AGXT: variants seen among roughly 807,000 people sequenced by gnomAD.
AGXT encodes alanine--glyoxylate aminotransferase.
In AGXT, 41 loss-of-function variants were observed where a neutral mutation model predicts 46.9. The ratio of observed to expected loss-of-function variants is 0.88; its 90% CI spans 0.68 to 1.14. The LOEUF is 1.14. AGXT is among the 50% of genes most tolerant of loss of function. The probability of loss-of-function intolerance (pLI) is 0.00; values close to 1 mark genes in which losing one functional copy is unlikely to be tolerated. For synonymous variants in AGXT, 244 were observed against 227.9 expected (o/e 1.07, Z -0.64); for missense variants, 525 against 522.7 (o/e 1.00, Z -0.04).
chr2:240,873,362 T>G lies in AGXT; in HGVS notation c.595+313T>G, dbSNP rs2059002050. ...GGAAGAGGAAGGGCCAGGGCTCCAG[T>G]CAATCAGGCGTTGGGCACCCCTCTG... On this transcript the variant is annotated intron_variant, in intron 5 of 10. Coordinates refer to ENST00000307503, the MANE Select transcript of AGXT (RefSeq NM_000030.3). 3 of 390,276 alleles carry G rather than the reference T, an allele frequency of 7.7e-6. No homozygotes were observed. In the Admixed American group the frequency reaches 1.1e-4, roughly 15 times the overall value. The allele number at this position is 390,276 out of a possible 1,614,324, so 24.2% of individuals were successfully genotyped here. A position where few individuals can be genotyped will look rare whatever the true frequency, so the allele number is the denominator to read the frequency against.
chr2:240,870,688 A>T lies in AGXT; in HGVS notation c.403A>T (p.Thr135Ser), dbSNP rs1180679343. The T allele has an allele frequency of 6.4e-7, 1 of 1,555,858 alleles. No homozygotes were observed. Among genetic ancestry groups the T allele is most frequent in the Admixed American group, 1.9e-5 (1 of 51,598 alleles). ...GACCAAGGACCCTGGAGGCCACTAC[A>T]CACTGCAGGAGGTGGAGGAGGTAGG... The part of the protein sequence containing the change: ...PMTKDPGGHY[T>S]LQEVEEGLAQ... Residue 135 changes from threonine (T) to serine (S), a missense_variant, in exon 3 of 11, where the codon ACA (threonine) becomes TCA (serine). Transcript: ENST00000307503.
rs936430329 is a variant in AGXT, at chr2:240,873,923, A to G, written c.596-55A>G. ...ATTAGCTAGGCAGGCATCCCGCTGGACTGGCCTGCCCTGAGGTGGGACTCA... is the reference window on the plus strand; with the variant it reads ...ATTAGCTAGGCAGGCATCCCGCTGGGCTGGCCTGCCCTGAGGTGGGACTCA... On this transcript the variant is annotated intron_variant, in intron 5 of 10. Transcript: ENST00000307503. 4.0e-6 allele frequency: 6 copies of G among 1,516,384 alleles called. No individual in the cohort carries two copies. The African/African-American group carries it at 8.2e-5, about 21-fold the overall frequency. The allele number at this position is 1,516,384 out of a possible 1,614,324, so 93.9% of individuals were successfully genotyped here.
chr2:240,877,974 C>A, intron 9 of AGXT, 48 bp from the exon 10 acceptor site: 2 of 1,603,102 alleles, frequency 1.2e-6, no homozygotes, highest in South Asian at 1.1e-5. Flanking sequence ...GTCACAAAGG[C>A]CCGTACAGGG....
chr2:240,879,968 G>C lies in AGXT; in HGVS notation c.*1147G>C. The C allele has an allele frequency of 6.6e-6, 1 of 152,164 alleles. No individual in the cohort carries two copies. Among genetic ancestry groups the C allele is most frequent in the East Asian group, 1.9e-4 (1 of 5,186 alleles). The allele number at this position is 152,164 out of a possible 1,614,324, so 9.4% of individuals were successfully genotyped here. On this transcript the variant is annotated 3_prime_UTR_variant, in exon 11 of 11. Coordinates refer to ENST00000307503, the MANE Select transcript of AGXT (RefSeq NM_000030.3). Reference sequence around the variant, plus strand: ...CATATGGACGTGCGTCGTGGGCGCCGGTGTGTCTTGTTGCTGAGTGCCGTC... The same window carrying C: ...CATATGGACGTGCGTCGTGGGCGCCCGTGTGTCTTGTTGCTGAGTGCCGTC...
At chr2:240,875,666 G>A (rs1004602401) in intron 7 of AGXT, among the ~76,000 whole-genome samples, 4 of 152,260 alleles carry the variant, frequency 2.6e-5, no homozygotes, top group Non-Finnish European at 5.9e-5. Context: ...CTGGGACTGA[G>A]GGGCTCCGCA....
rs747043550 is a variant in AGXT at position 240,869,362 on chromosome 2, G to A, written c.358G>A (p.Gly120Arg). Residue 120 changes from glycine to arginine, a missense_variant and splice_region_variant, in exon 2 of 11, where the codon GGA becomes AGA. Gly to Arg is a moderately radical substitution (Grantham distance 125). Coordinates refer to ENST00000307503, the MANE Select transcript of AGXT (RefSeq NM_000030.3). ...QRAVDIGERI[G>R]ARVHPMTKDP... is the part of the protein sequence containing the mutation. ...AGCCGTGGACATCGGGGAGCGCATA[G>A]GTAAGGGAGAGGCCCAGGTGGGGAT... 3.2e-6 allele frequency: 5 copies of A among 1,581,420 alleles called. No individual in the cohort carries two copies. The highest frequency in any genetic ancestry group is 2.7e-5 in the African/African-American group (2 of 74,564).
Position 240,877,617 on chromosome 2 carries a change from C to T in AGXT, c.927C>T (p.Leu309=). ...HGRLQALGLQ[L]FVKDPALRLP... is the part of the protein sequence containing the mutation. ...GCCTGCAGGCACTGGGGCTGCAGCT[C>T]TTCGTGAAGGACCCGGTAAGGAGGC... The change falls in exon 9 of 11, where the codon CTC becomes CTT. Residue 309 remains leucine, a synonymous_variant. Coordinates refer to ENST00000307503, the MANE Select transcript of AGXT (RefSeq NM_000030.3). 2 of 1,550,938 alleles carry T rather than the reference C, an allele frequency of 1.3e-6. No homozygotes were observed. Among genetic ancestry groups the T allele is most frequent in the Non-Finnish European group, 1.7e-6 (2 of 1,147,014 alleles).
rs2059005601 is a variant in AGXT at position 240,873,963 on chromosome 2, A to T, written c.596-15A>T. On this transcript the variant is annotated splice_polypyrimidine_tract_variant and intron_variant, in intron 5 of 10. Transcript: ENST00000307503. ...GGTGGGACTCACCCGTCCCGAGCAA[A>T]CCACCCATCTACAGGCATCGACATC... 2 of 1,613,142 alleles carry T rather than the reference A, an allele frequency of 1.2e-6. No homozygotes were observed. Among genetic ancestry groups the T allele is most frequent in the African/African-American group, 2.7e-5 (2 of 74,896 alleles).
At chr2:240,873,382 C>T in intron 5 of AGXT, 1 of 344,246 alleles carries the variant, frequency 2.9e-6, no homozygotes, top group Non-Finnish European at 5.4e-6. Flanking sequence ...GTTGGGCACC[C>T]CTCTGCCCAA....
At chr2:240,870,736 C>T in intron 3 of AGXT, 28 bp downstream of exon 3, 2 of 1,549,406 alleles carry the variant, frequency 1.3e-6, no homozygotes, top group Non-Finnish European at 8.7e-7. Context: ...GGGGTCAGGG[C>T]CGGGAGGAGG....
At chr2:240,875,300 C>T in intron 7 of AGXT, 96 bp downstream of exon 7, 1 of 1,092,134 alleles carries the variant, frequency 9.2e-7, no homozygotes, top group Non-Finnish European at 1.4e-6. Flanking sequence ...CTCCAAGCCC[C>T]CCACCTTCAT....
chr2:240,872,296 A>G (rs143260513), intron 4 of AGXT, among the ~76,000 whole-genome samples: 1 of 66,620 alleles, frequency 1.5e-5, no homozygotes, highest in Admixed American at 1.3e-4. Context: ...AACATGCAGG[A>G]GGAGGAGGGT....
At chr2:240,876,972 G>T in intron 8 of AGXT, 1 of 240,612 alleles carries the variant, frequency 4.2e-6, no homozygotes, top group South Asian at 5.3e-5. Flanking sequence ...GGCCAGAGTA[G>T]AGAGCAGCTG....
chr2:240,871,757 A>T (rs900990092), intron 4 of AGXT, among the ~76,000 whole-genome samples: 6 of 151,568 alleles, frequency 4.0e-5, no homozygotes. Flanking sequence ...TCCCCACCTC[A>T]CCCCGAGATT....
intron 3 of AGXT, 166 bp from the exon 4 acceptor site, chr2:240,871,183 C>T (rs2058988478): frequency 7.2e-5 from 48 of 668,982 alleles, no homozygotes; most frequent in South Asian, 6.9e-4. Flanking sequence ...GCCCTTGTCC[C>T]GGAGCGGAGA....
Position 240,872,966 on chromosome 2 carries a change from C to G in AGXT, c.525-13C>G. ...TCACCTGCTGCCCTCCATTCTGTCC[C>G]CCACCTCTCCAGGTACAAGTGCCTG... On this transcript the variant is annotated splice_polypyrimidine_tract_variant and intron_variant, in intron 4 of 10. Coordinates refer to ENST00000307503, the MANE Select transcript of AGXT (RefSeq NM_000030.3). The G allele has an allele frequency of 6.2e-7, 1 of 1,613,598 alleles. No individual in the cohort carries two copies. Among genetic ancestry groups the G allele is most frequent in the African/African-American group, 1.3e-5 (1 of 75,038 alleles).
chr2:240,878,646 C>A, intron 10 of AGXT, 68 bp from the exon 11 acceptor site: 1 of 1,456,594 alleles, frequency 6.9e-7, no homozygotes, highest in Non-Finnish European at 9.3e-7. Context: ...TGGCTCTGGC[C>A]AGCTGTCGGT....
chr2:240,871,514 G>T (rs2058990592), intron 4 of AGXT, 65 bp downstream of exon 4: 2 of 1,439,602 alleles, frequency 1.4e-6, no homozygotes, highest in Non-Finnish European at 1.9e-6. Context: ...GGAGGGGTGG[G>T]CACTGGTCCC....
Position 240,879,237 on chromosome 2 carries a change from T to G in AGXT, c.*416T>G. On this transcript the variant is annotated 3_prime_UTR_variant, in exon 11 of 11. Coordinates refer to ENST00000307503, the MANE Select transcript of AGXT (RefSeq NM_000030.3). The stretch of plus-strand genomic sequence containing the variant: ...GGAGCCCACAGGGTAGATCCTCCCC[T>G]GGAGGAGGTGCTGTCACCACACTCT... 7.4e-6 allele frequency: 2 copies of G among 270,542 alleles called. No homozygotes were observed. Among genetic ancestry groups the G allele is most frequent in the Non-Finnish European group, 1.4e-5 (2 of 138,970 alleles). The allele number at this position is 270,542 out of a possible 1,614,324, so 16.8% of individuals were successfully genotyped here.
Sources: allele counts gnomAD v4.1 joint callset (sites outside exome capture counted in the v4.1 genomes callset), GRCh38; gene constraint gnomAD v4.1.1; transcripts MANE v1.5; gene names NCBI Gene and HGNC (gene_info 2026-07-23, HGNC 2026-07-21).